Variants in NUGGC observed in about 807,000 individuals in gnomAD.
NUGGC encodes the protein nuclear GTPase SLIP-GC.
A neutral mutation model predicts 92.6 loss-of-function variants in NUGGC; 58 were observed. The observed-to-expected ratio is 0.63, with a 90% CI of 0.51 to 0.78. The LOEUF (loss-of-function observed/expected upper bound fraction) is 0.78. Among genes scored for constraint, NUGGC ranks in the 30% least tolerant of loss-of-function variants. The pLI, the probability that NUGGC is intolerant of heterozygous loss-of-function variation, is 0.00. For missense variants in NUGGC, 925 were observed against 964.6 expected, an observed-to-expected ratio of 0.96 and a Z score of 0.54; for synonymous variants, 376 against 366.4, an observed-to-expected ratio of 1.03 and a Z score of -0.30.
chr8:28,056,863 GT>G (rs1295779008), intron 9 of NUGGC, among the ~76,000 whole-genome samples: 3 of 152,180 alleles, frequency 2.0e-5, no homozygotes, highest in African/African-American at 7.2e-5. Flanking sequence ...ATTAACTGTA[GT>G]ACATACTATA....
chr8:28,028,060 TA>T (rs36109977), intron 17 of NUGGC, among the ~76,000 whole-genome samples: 17,888 of 142,758 alleles, frequency 0.13, 2,852 homozygotes, highest in African/African-American at 0.38. Context: ...TGGCGTTCTT[TA>T]AAAAAAAAAA....
intron 13 of NUGGC, among the ~76,000 whole-genome samples, chr8:28,035,300 G>C (rs537124700): frequency 4.6e-5 from 7 of 152,132 alleles, no homozygotes; most frequent in Non-Finnish European, 5.9e-5. Context: ...CGAACATAGC[G>C]GTGCAGTGGC....
At chr8:28,061,878 A>T (rs962918482) in intron 7 of NUGGC, among the ~76,000 whole-genome samples, 5 of 152,222 alleles carry the variant, frequency 3.3e-5, no homozygotes, top group Admixed American at 1.3e-4. Flanking sequence ...TCCCACAAAT[A>T]ATTATCTGAC....
At chr8:28,026,647 GCAACA>G (rs1809268433) in intron 18 of NUGGC, among the ~76,000 whole-genome samples, 1 of 152,196 alleles carries the variant, frequency 6.6e-6, no homozygotes, top group Non-Finnish European at 1.5e-5. Context: ...GCAAAATGGA[GCAACA>G]ACATCTATCC....
rs1268279526 is a variant in NUGGC, at chr8:28,068,286, G to A, written c.410C>T (p.Ser137Phe). ...GCCAGAGCTCACTTGTACAATGCAG[G>A]AAGTACATATGCTTTCTCCAGACAC... ...LPVSGESICT[S>F]CIVQVSSGCC... is the part of the protein sequence containing the mutation. Residue 137 changes from serine to phenylalanine, a missense_variant, in exon 5 of 19, where the codon TCC becomes TTC. Physicochemically the swap from Ser to Phe is radical, Grantham distance 155. Transcript: ENST00000413272. The A allele has an allele frequency of 1.3e-6, 2 of 1,551,486 alleles. No homozygotes were observed. The highest frequency in any genetic ancestry group is 2.4e-5 in the East Asian group (1 of 40,988).
At chr8:28,064,869 C>G (rs1387954931) in intron 6 of NUGGC, 138 bp from the exon 7 acceptor site, 7 of 672,160 alleles carry the variant, frequency 1.0e-5, no homozygotes. Flanking sequence ...GCAATCAGGT[C>G]TGTAGGACCT....
intron 10 of NUGGC, among the ~76,000 whole-genome samples, chr8:28,053,201 G>A (rs1164633359): frequency 6.6e-6 from 1 of 152,172 alleles, no homozygotes; most frequent in African/African-American, 2.4e-5. Flanking sequence ...GCTCACACCT[G>A]TAATCCCAGT....
chr8:28,068,403 A>G lies in NUGGC; in HGVS notation c.293T>C (p.Val98Ala). Residue 98 changes from valine to alanine, a missense_variant, in exon 5 of 19, where the codon GTG (valine) becomes GCG (alanine). Physicochemically the swap from Val to Ala is moderately conservative, Grantham distance 64. Coordinates refer to ENST00000413272, the MANE Select transcript of NUGGC (RefSeq NM_001010906.2). ...AAATAATGCAATGTAGATTGGGTCC[A>G]CTGTCGGCTTTTCAATCAAGGCAAG... ...RLLALIEKPT[V>A]DPIYIALFGS... The G allele has an allele frequency of 6.3e-7, 1 of 1,578,708 alleles. No individual in the cohort carries two copies. Among genetic ancestry groups the G allele is most frequent in the Non-Finnish European group, 8.6e-7 (1 of 1,161,146 alleles).
chr8:28,083,141 G>A (rs757081058), intron 1 of NUGGC, among the ~76,000 whole-genome samples: 9 of 152,172 alleles, frequency 5.9e-5, no homozygotes, highest in African/African-American at 1.9e-4. Context: ...AGAACACGGC[G>A]GAGATTGGAG....
intron 2 of NUGGC, among the ~76,000 whole-genome samples, chr8:28,071,195 G>A (rs1371233726): frequency 6.6e-6 from 1 of 152,116 alleles, no homozygotes; most frequent in East Asian, 1.9e-4. Context: ...AGCCAAAGTG[G>A]CTGGACATTC....
At chr8:28,044,690 T>G (rs1419582072) in intron 12 of NUGGC, among the ~76,000 whole-genome samples, 1 of 152,226 alleles carries the variant, frequency 6.6e-6, no homozygotes, top group Non-Finnish European at 1.5e-5. Flanking sequence ...GCAGTTTGAC[T>G]TCCTGAAGTC....
intron 1 of NUGGC, among the ~76,000 whole-genome samples, chr8:28,074,910 G>C (rs1339298263): frequency 1.3e-5 from 2 of 152,158 alleles, no homozygotes; most frequent in Non-Finnish European, 2.9e-5. Flanking sequence ...CTGCACTCCA[G>C]CCTGGATGAC....
chr8:28,061,015 G>T (rs930123595), intron 7 of NUGGC, among the ~76,000 whole-genome samples: 1 of 152,196 alleles, frequency 6.6e-6, no homozygotes, highest in Non-Finnish European at 1.5e-5. Flanking sequence ...TGGCACACAG[G>T]AGAGGCTTCA....
chr8:28,067,848 T>A, intron 5 of NUGGC, 104 bp from the exon 6 acceptor site: 1 of 854,510 alleles, frequency 1.2e-6, no homozygotes, highest in Non-Finnish European at 1.8e-6. Flanking sequence ...GGGCTGCATA[T>A]TCAGAAAATC....
chr8:28,041,056 A>T lies in NUGGC; in HGVS notation c.1606T>A (p.Leu536Met). Reference sequence around the variant, plus strand: ...TCCCTGGAAGGGTCACTCACCACCAAGCATGCTCTGAGGATGCAGCGGTAA... The same window carrying T: ...TCCCTGGAAGGGTCACTCACCACCATGCATGCTCTGAGGATGCAGCGGTAA... ...TSYRCILRAC[L>M]VRSKGNQGFH... The change falls in exon 13 of 19, where the codon TTG (leucine) becomes ATG (methionine). Residue 536 changes from leucine (L) to methionine (M), a missense_variant. Coordinates refer to ENST00000413272, the MANE Select transcript of NUGGC (RefSeq NM_001010906.2). 1.9e-6 allele frequency: 3 copies of T among 1,602,364 alleles called. No individual in the cohort carries two copies. The highest frequency in any genetic ancestry group is 2.6e-6 in the Non-Finnish European group (3 of 1,174,578).
At chr8:28,048,175 G>A (rs73669174) in intron 10 of NUGGC, among the ~76,000 whole-genome samples, 5,645 of 152,286 alleles carry the variant, frequency 0.037, 332 homozygotes, top group African/African-American at 0.13. Flanking sequence ...TGTGACCACA[G>A]CTTATCAATA....
At chr8:28,031,166 C>G (rs1457894660) in intron 15 of NUGGC, 77 bp downstream of exon 15, 2 of 1,529,264 alleles carry the variant, frequency 1.3e-6, no homozygotes, top group South Asian at 2.3e-5. Flanking sequence ...AGGGAACAGA[C>G]AGGCAACCTA....
chr8:28,063,752 A>G (rs1810368485), intron 7 of NUGGC, among the ~76,000 whole-genome samples: 1 of 152,202 alleles, frequency 6.6e-6, no homozygotes, highest in African/African-American at 2.4e-5. Context: ...CCCCTGGCAC[A>G]ATCATTCATC....
intron 7 of NUGGC, among the ~76,000 whole-genome samples, chr8:28,062,316 T>A (rs148057719): frequency 1.4e-3 from 218 of 152,212 alleles, no homozygotes; most frequent in African/African-American, 5.0e-3. Flanking sequence ...TATAATCAAC[T>A]TAGAAAAGCT....
Sources: allele counts gnomAD v4.1 joint callset (sites outside exome capture counted in the v4.1 genomes callset), GRCh38; gene constraint gnomAD v4.1.1; transcripts MANE v1.5; gene names NCBI Gene and HGNC (gene_info 2026-07-23, HGNC 2026-07-21).